The following RBFOX3 variants were observed in gnomAD, a reference collection of about 807,000 sequenced individuals.
RBFOX3 encodes RNA binding protein fox-1 homolog 3.
A neutral mutation model predicts 48.7 loss-of-function variants in RBFOX3; 17 were observed. The observed-to-expected ratio is 0.35, with a 90% confidence interval of 0.24 to 0.52. The LOEUF (loss-of-function observed/expected upper bound fraction) is 0.52, where lower values mean the gene tolerates loss of function less well. Among genes scored for constraint, RBFOX3 ranks in the 20% least tolerant of loss-of-function variants. RBFOX3 has a pLI of 0.94. For synonymous variants in RBFOX3, 212 were observed against 209.5 expected, an observed-to-expected ratio of 1.01 and a Z score of -0.10; for missense variants, 382 against 497.5, an observed-to-expected ratio of 0.77 and a Z score of 2.21.
intron 3 of RBFOX3, among the ~76,000 whole-genome samples, chr17:79,295,517 C>T (rs996605461): frequency 6.6e-6 from 1 of 152,176 alleles, no homozygotes; most frequent in Non-Finnish European, 1.5e-5. Flanking sequence ...AGGGCAGGGG[C>T]TTCCCACAGA....
At chr17:79,467,034 A>C (rs2149336146) in intron 2 of RBFOX3, among the ~76,000 whole-genome samples, 1 of 152,334 alleles carries the variant, frequency 6.6e-6, no homozygotes, top group East Asian at 1.9e-4. Context: ...TGCCATATGC[A>C]TGCACTGCAC....
upstream of RBFOX3, among the ~76,000 whole-genome samples, chr17:79,611,183 T>TTCTCTCTCTCTC (rs1196349028): frequency 7.7e-3 from 319 of 41,516 alleles, 19 homozygotes; most frequent in African/African-American, 0.013. Context: ...TCCGCCCTCC[T>TTCTCTCTCTCTC]TCTCTCTCTC....
At chr17:79,101,151 G>A (rs1599419105) in intron 9 of RBFOX3, among the ~76,000 whole-genome samples, 1 of 152,222 alleles carries the variant, frequency 6.6e-6, no homozygotes, top group South Asian at 2.1e-4. Flanking sequence ...CTCATCCAAG[G>A]CCCCCCGTGC....
In RBFOX3 at chr17:79,103,601, G is replaced by T. The variant is rs1224642001; in HGVS notation, c.415-347C>A. 1.3e-5 allele frequency among the ~76,000 whole-genome samples: 2 copies of T among 152,194 alleles called. No homozygotes were observed. The highest frequency in any genetic ancestry group is 2.4e-5 in the African/African-American group (1 of 41,450). On this transcript the variant is annotated intron_variant, in intron 7 of 14. Transcript: ENST00000693108. The surrounding 1 kb of genome is among the most constrained non-coding windows in gnomAD (Gnocchi z 6.1). ...GGCCTGCCCCCTGAACCCCACCTTG[G>T]GGTAGGGGGCCCAGGCTGGGCTTCA...
intron 5 of RBFOX3, 54 bp downstream of exon 5, chr17:79,115,440 G>T: frequency 8.7e-7 from 1 of 1,152,496 alleles, no homozygotes; most frequent in Non-Finnish European, 1.1e-6. Flanking sequence ...TCTTCTGGGT[G>T]GGTGCTCCTC....
At chr17:79,404,718 C>T (rs62064003) in intron 2 of RBFOX3, among the ~76,000 whole-genome samples, 6,583 of 152,320 alleles carry the variant, frequency 0.043, 257 homozygotes, top group Admixed American at 0.12. Flanking sequence ...CCTCCCTCCC[C>T]CAAGAACCAT....
intron 14 of RBFOX3, chr17:79,092,145 G>A: frequency 1.0e-6 from 1 of 985,492 alleles, no homozygotes; most frequent in Non-Finnish European, 1.2e-6. Flanking sequence ...GGCTGGTCGG[G>A]TGGCTTTGGG....
intron 1 of RBFOX3, among the ~76,000 whole-genome samples, chr17:79,571,060 T>C (rs1350960573): frequency 1.3e-5 from 2 of 152,210 alleles, no homozygotes; most frequent in East Asian, 3.8e-4. Context: ...AGGTAATTAT[T>C]GTAATGCCAG....
chr17:79,393,243 G>A (rs1043418920), intron 2 of RBFOX3, among the ~76,000 whole-genome samples: 1 of 152,264 alleles, frequency 6.6e-6, no homozygotes, highest in African/African-American at 2.4e-5. Flanking sequence ...GTAGCCGCCT[G>A]CTGCAGCACA....
chr17:79,429,018 C>G (rs1281079843), intron 2 of RBFOX3, among the ~76,000 whole-genome samples: 1 of 152,218 alleles, frequency 6.6e-6, no homozygotes, highest in Non-Finnish European at 1.5e-5. Context: ...AGTGACTCCC[C>G]CAGAGAGACT....
In RBFOX3 at chr17:79,199,597, G is replaced by A. The variant is rs529799818; in HGVS notation, c.-34+36169C>T. Reference sequence around the variant, plus strand: ...CACTGGTTTGGTCCCAGTTCAAGAAGTAATTAGATATGCTCTCAAAGAAGT... The same window carrying A: ...CACTGGTTTGGTCCCAGTTCAAGAAATAATTAGATATGCTCTCAAAGAAGT... On this transcript the variant is annotated intron_variant, in intron 4 of 14. Coordinates refer to ENST00000693108, the MANE Select transcript of RBFOX3 (RefSeq NM_001350451.2). The surrounding 1 kb of genome is among the most constrained non-coding windows in gnomAD (Gnocchi z 5.1). 2.6e-5 allele frequency among the ~76,000 whole-genome samples: 4 copies of A among 152,310 alleles called. No homozygotes were observed. Among genetic ancestry groups the A allele is most frequent in the Admixed American group, 2.0e-4 (3 of 15,302 alleles).
rs117316972 is a variant in RBFOX3, at chr17:79,290,219, G to A, written c.-74+17505C>T. Among the ~76,000 whole-genome samples the A allele has an allele frequency of 8.1e-3, 1,238 of 152,176 alleles. 7 individuals carry two copies. The highest frequency in any genetic ancestry group is 0.012 in the Non-Finnish European group (836 of 68,002). On this transcript the variant is annotated intron_variant, in intron 3 of 14. Transcript: ENST00000693108. The stretch of plus-strand genomic sequence containing the variant: ...TGGAGGAGGCATCATAGAGCCTTGT[G>A]AAGGAGGCCTCTTGGGAGGCCCATG...
intron 1 of RBFOX3, among the ~76,000 whole-genome samples, chr17:79,512,314 C>T (rs1252873204): frequency 7.7e-6 from 1 of 129,232 alleles, no homozygotes; most frequent in Non-Finnish European, 1.6e-5. Flanking sequence ...GGCCAGGGAA[C>T]ACCCACCCGG....
the RBFOX3 span, among the ~76,000 whole-genome samples, chr17:79,629,442 C>T: frequency 6.6e-6 from 1 of 152,146 alleles, no homozygotes. Context: ...AAAACAAAAG[C>T]CCACTTCCAT....
Position 79,275,123 on chromosome 17 carries a change from C to CCTCTCTCTCTCTCTCTCT in RBFOX3, c.-74+32583_-74+32600dup, listed in dbSNP as rs368963249. ...CTCTCTGCCTCTCTCTCCATGTCTC[C>CCTCTCTCTCTCTCTCTCT]CTCTCTCTCTCTCTCTCTCTCTCTC... On this transcript the variant is annotated intron_variant, in intron 3 of 14. Coordinates refer to ENST00000693108, the MANE Select transcript of RBFOX3 (RefSeq NM_001350451.2). Among the ~76,000 whole-genome samples, 268 of 130,610 alleles carry CCTCTCTCTCTCTCTCTCT rather than the reference C, an allele frequency of 2.1e-3. 1 individual carries two copies. Among genetic ancestry groups the CCTCTCTCTCTCTCTCTCT allele is most frequent in the Middle Eastern group, 3.8e-3 (1 of 260 alleles). The allele number at this position is 130,610 out of a possible 152,430, so 85.7% of individuals were successfully genotyped here. A position where few individuals can be genotyped will look rare whatever the true frequency, so the allele number is the denominator to read the frequency against.
chr17:79,495,288 C>G (rs772635372), intron 1 of RBFOX3, among the ~76,000 whole-genome samples: 1,425 of 31,248 alleles, frequency 0.046, 27 homozygotes, highest in Non-Finnish European at 0.058. Context: ...TGGCACGGGT[C>G]GTGAACACCA....
intron 2 of RBFOX3, among the ~76,000 whole-genome samples, chr17:79,450,559 T>G (rs1443778453): frequency 6.6e-6 from 1 of 151,938 alleles, no homozygotes; most frequent in Admixed American, 6.6e-5. Context: ...TTTTATATTA[T>G]GATGGGCTTA....
At chr17:79,190,163 G>A (rs1184440329) in intron 4 of RBFOX3, among the ~76,000 whole-genome samples, 1 of 152,236 alleles carries the variant, frequency 6.6e-6, no homozygotes, top group East Asian at 1.9e-4. Context: ...TGTAATCCCA[G>A]CACTTTGGGA....
At chr17:79,616,968 G>A in the RBFOX3 span, among the ~76,000 whole-genome samples, 1 of 152,162 alleles carries the variant, frequency 6.6e-6, no homozygotes, top group Admixed American at 6.5e-5. Context: ...CCCATAGCTG[G>A]AAGAGAGGTG....
Sources: gnomAD v4.1 joint callset for allele counts (sites outside exome capture counted in the v4.1 genomes callset) on GRCh38, gnomAD v4.1.1 for gene constraint, Gnocchi (gnomAD v3.1) non-coding constraint, MANE v1.5 for transcripts, NCBI Gene and HGNC (gene_info 2026-07-23, HGNC 2026-07-21) for gene names.